The following CFAP20DC variants were observed in gnomAD, a reference collection of about 807,000 sequenced individuals.
The protein encoded by CFAP20DC is CFAP20 domain containing, also known as protein CFAP20DC.
Under a neutral mutation model 101.7 loss-of-function variants are expected in CFAP20DC, and 84 were observed. The ratio of observed to expected loss-of-function variants is 0.83; its 90% CI spans 0.69 to 0.99. The LOEUF is 0.99. Among genes scored for constraint, CFAP20DC ranks in the 50% least tolerant of loss-of-function variants. The pLI, the probability that CFAP20DC is intolerant of heterozygous loss-of-function variation, is 0.00. For synonymous variants in CFAP20DC, 359 were observed against 351.2 expected (o/e 1.02, Z -0.25); for missense variants, 1,007 against 970.3 (o/e 1.04, Z -0.50).
At chr3:59,013,608 C>T (rs2093632297) in intron 4 of CFAP20DC, among the ~76,000 whole-genome samples, 1 of 152,110 alleles carries the variant, frequency 6.6e-6, no homozygotes, top group African/African-American at 2.4e-5. Context: ...CTTGTTACAA[C>T]TCCAACTAGC....
At chr3:58,849,815 T>C (rs1247446253) in intron 12 of CFAP20DC, among the ~76,000 whole-genome samples, 5 of 152,200 alleles carry the variant, frequency 3.3e-5, no homozygotes, top group Non-Finnish European at 7.3e-5. Flanking sequence ...CTAAAACTTA[T>C]GGTATTTAGC....
chr3:58,984,643 A>G (rs1052478711), intron 4 of CFAP20DC, among the ~76,000 whole-genome samples: 22 of 152,218 alleles, frequency 1.4e-4, no homozygotes, highest in African/African-American at 5.3e-4. Context: ...TAAAACTGCA[A>G]TATAAGGAGA....
intron 6 of CFAP20DC, among the ~76,000 whole-genome samples, chr3:58,910,178 C>T (rs1335889748): frequency 6.6e-6 from 1 of 152,036 alleles, no homozygotes; most frequent in Non-Finnish European, 1.5e-5. Flanking sequence ...GCTATTAAGA[C>T]TTTACTTTTT....
rs904172953 is a variant in CFAP20DC, at chr3:58,761,557, A to G, written c.2238-7694T>C. ...TTCCTTCAGTTCTGCTCTGATCTTC[A>G]TTATTTCTTGCCTTCTGCTAGCTTT... On this transcript the variant is annotated intron_variant, in intron 15 of 16. Transcript: ENST00000482387. Among the ~76,000 whole-genome samples, 43 of 151,582 alleles carry G rather than the reference A, an allele frequency of 2.8e-4. 1 individual carries two copies. Among genetic ancestry groups the G allele is most frequent in the Middle Eastern group, 3.4e-3 (1 of 294 alleles).
At chr3:58,753,540 T>C (rs1487276303) in intron 16 of CFAP20DC, among the ~76,000 whole-genome samples, 1 of 152,166 alleles carries the variant, frequency 6.6e-6, no homozygotes, top group African/African-American at 2.4e-5. Flanking sequence ...AAACTGTATT[T>C]TGCCCTGGTA....
At chr3:58,817,202 G>A (rs1023565374) in intron 14 of CFAP20DC, among the ~76,000 whole-genome samples, 1 of 152,034 alleles carries the variant, frequency 6.6e-6, no homozygotes, top group East Asian at 1.9e-4. Flanking sequence ...AAACAGAACA[G>A]AAAAACTGGA....
At chr3:59,041,899 A>T (rs1192369501) in intron 3 of CFAP20DC, among the ~76,000 whole-genome samples, 1 of 152,136 alleles carries the variant, frequency 6.6e-6, no homozygotes, top group Non-Finnish European at 1.5e-5. Context: ...TAGGTCTACC[A>T]TGCAACGAAG....
chr3:58,905,870 A>C (rs1311704024), intron 6 of CFAP20DC, among the ~76,000 whole-genome samples: 1 of 152,162 alleles, frequency 6.6e-6, no homozygotes, highest in Non-Finnish European at 1.5e-5. Context: ...CAGTCACCAA[A>C]TCTTGGCATT....
intron 7 of CFAP20DC, among the ~76,000 whole-genome samples, chr3:58,873,724 T>C (rs2080480761): frequency 6.6e-6 from 1 of 152,052 alleles, no homozygotes; most frequent in South Asian, 2.1e-4. Flanking sequence ...ATAGCTATTC[T>C]GGATGCAGTT....
Position 58,913,777 on chromosome 3 carries a change from A to G in CFAP20DC, c.481T>C (p.Ser161Pro). 1 of 1,613,728 alleles carries G rather than the reference A, an allele frequency of 6.2e-7. No individual in the cohort carries two copies. Among genetic ancestry groups the G allele is most frequent in the Non-Finnish European group, 8.5e-7 (1 of 1,179,778 alleles). ...VFQSLDGIVV[S>P]ANCKLRKIFT... ...ATCTTCCGTAGCTTACAGTTAGCTG[A>G]GACAACAATTCCATCCAATGACTGG... Residue 161 changes from serine to proline, a missense_variant, in exon 6 of 17, where the codon TCA (serine) becomes CCA (proline). Ser to Pro is a moderately conservative substitution (Grantham distance 74, BLOSUM62 -1). Transcript: ENST00000482387. This position sits in a 1 kb window ranked among gnomAD's most constrained non-coding sequence, Gnocchi z 4.4.
At chr3:59,043,213 C>A (rs1164207651) in intron 3 of CFAP20DC, among the ~76,000 whole-genome samples, 1 of 150,734 alleles carries the variant, frequency 6.6e-6, no homozygotes, top group East Asian at 2.0e-4. Context: ...GATAGAGTGC[C>A]AACGACTGAG....
rs1417986418 is a variant in CFAP20DC, at chr3:58,882,742, T to A, written c.715+1803A>T. On this transcript the variant is annotated intron_variant, in intron 7 of 16. Transcript: ENST00000482387. The surrounding 1 kb of genome is among the most constrained non-coding windows in gnomAD (Gnocchi z 4.2). ...TCTCTCTCTGTCTAAATATAGTATA[T>A]ATAGTAAGCATACAAATTCCCATTG... Among the ~76,000 whole-genome samples, 1 of 152,166 alleles carries A rather than the reference T, an allele frequency of 6.6e-6. No individual in the cohort carries two copies. The highest frequency in any genetic ancestry group is 1.5e-5 in the Non-Finnish European group (1 of 68,026).
At chr3:58,739,596 C>G (rs2067836277), downstream of CFAP20DC, among the ~76,000 whole-genome samples, 1 of 152,248 alleles carries the variant, frequency 6.6e-6, no homozygotes, top group Admixed American at 6.5e-5. Flanking sequence ...TAGCAATGGT[C>G]TCAACCCTGA....
intron 1 of CFAP20DC, among the ~76,000 whole-genome samples, chr3:59,049,254 T>C (rs1165479112): frequency 1.3e-5 from 2 of 152,244 alleles, no homozygotes; most frequent in Non-Finnish European, 2.9e-5. Flanking sequence ...GTTGCATGAA[T>C]ACTGAGTCTC....
At position 58,865,386 on chromosome 3, in the gene CFAP20DC, C is replaced by G. The variant is rs535608581; in HGVS notation, c.1258+1180G>C. Reference sequence around the variant, plus strand: ...GGCTACCATTACATAACATAACTTACCTGTAAAAAGGGTGATCAATGTATA... The same window carrying G: ...GGCTACCATTACATAACATAACTTAGCTGTAAAAAGGGTGATCAATGTATA... On this transcript the variant is annotated intron_variant, in intron 11 of 16. Coordinates refer to ENST00000482387, the MANE Select transcript of CFAP20DC (RefSeq NM_001394063.1). Among the ~76,000 whole-genome samples the G allele has an allele frequency of 6.6e-5, 10 of 152,270 alleles. No individual in the cohort carries two copies. The South Asian group carries it at 1.9e-3, about 28-fold the overall frequency.
At chr3:58,854,630 A>G (rs1375381383) in intron 12 of CFAP20DC, among the ~76,000 whole-genome samples, 2 of 152,128 alleles carry the variant, frequency 1.3e-5, no homozygotes, top group Non-Finnish European at 2.9e-5. Flanking sequence ...ACTGGTACCA[A>G]AACAGAGATA....
rs192199631 is a variant in CFAP20DC, at chr3:58,901,096, T to C, written c.550+12612A>G. On this transcript the variant is annotated intron_variant, in intron 6 of 16. Coordinates refer to ENST00000482387, the MANE Select transcript of CFAP20DC (RefSeq NM_001394063.1). Reference sequence around the variant, plus strand: ...CTCAGACTCATCTACGTTCATCTTATTTATTTGGTAAGAGCCTGCAGTGCC... The same window carrying C: ...CTCAGACTCATCTACGTTCATCTTACTTATTTGGTAAGAGCCTGCAGTGCC... Among the ~76,000 whole-genome samples, 4 of 152,184 alleles carry C rather than the reference T, an allele frequency of 2.6e-5. No homozygotes were observed. In the East Asian group the frequency reaches 7.7e-4, roughly 29 times the overall value.
At chr3:58,725,776 TG>T in intron 3 of CFAP20DC, 1 of 173,952 alleles carries the variant, frequency 5.7e-6, no homozygotes, top group Non-Finnish European at 1.2e-5. Flanking sequence ...AACTCCTCTC[TG>T]GACTGGATTT....
intron 6 of CFAP20DC, among the ~76,000 whole-genome samples, chr3:58,891,221 G>A (rs960391476): frequency 1.5e-4 from 23 of 152,062 alleles, no homozygotes; most frequent in African/African-American, 5.5e-4. Flanking sequence ...TTAGGGGCTG[G>A]AGACCGGCCC....
Sources: gnomAD v4.1 joint callset for allele counts (sites outside exome capture counted in the v4.1 genomes callset) on GRCh38, gnomAD v4.1.1 for gene constraint, Gnocchi (gnomAD v3.1) non-coding constraint, MANE v1.5 for transcripts, NCBI Gene and HGNC (gene_info 2026-07-23, HGNC 2026-07-21) for gene names.